IL1RAPL1: variants seen among roughly 807,000 people sequenced by gnomAD.
IL1RAPL1 encodes interleukin 1 receptor accessory protein like 1, also known as interleukin-1 receptor accessory protein-like 1.
A neutral mutation model predicts 48.4 loss-of-function variants in IL1RAPL1; 3 were observed. The observed-to-expected ratio is 0.06, with a 90% CI of 0.03 to 0.16. The LOEUF is 0.16. IL1RAPL1 is among the 10% of genes least tolerant of loss of function. The probability of loss-of-function intolerance (pLI) is 1.00; values close to 1 mark genes in which losing one functional copy is unlikely to be tolerated. For synonymous variants in IL1RAPL1, 185 were observed against 187.7 expected (o/e 0.99, Z 0.12); for missense variants, 349 against 530.6 (o/e 0.66, Z 3.36).
At chrX:28,956,658 G>T (rs201384360) in intron 2 of IL1RAPL1, among the ~76,000 whole-genome samples, 2 of 103,281 alleles carry the variant, frequency 1.9e-5, no homozygotes, top group East Asian at 3.1e-4. Flanking sequence ...GCTGGATTCG[G>T]TTTGCCAGTA....
In IL1RAPL1 at chrX:29,506,654, A is replaced by G. The variant is rs531503574; in HGVS notation, c.703+107346A>G. Among the ~76,000 whole-genome samples the G allele has an allele frequency of 1.5e-4, 17 of 110,917 alleles. No homozygotes were observed. In the South Asian group the frequency reaches 5.7e-3, roughly 37 times the overall value. On this transcript the variant is annotated intron_variant, in intron 5 of 10. Coordinates refer to ENST00000378993, the MANE Select transcript of IL1RAPL1 (RefSeq NM_014271.4). ...GAAGGCTATCTTGGGTTTCATGCCC[A>G]GGGACCTGTGGAACAAACTTCCTAC... is the stretch of plus-strand genomic sequence containing the variant.
chrX:29,087,272 G>A (rs1422212434), intron 2 of IL1RAPL1, among the ~76,000 whole-genome samples: 1 of 108,221 alleles, frequency 9.2e-6, no homozygotes, highest in African/African-American at 3.4e-5. Context: ...CAAGTAGCTT[G>A]GACCACAGGC....
At chrX:29,792,947 A>ATTTG (rs1929668707) in intron 6 of IL1RAPL1, among the ~76,000 whole-genome samples, 1 of 111,812 alleles carries the variant, frequency 8.9e-6, no homozygotes, top group East Asian at 2.8e-4. Context: ...GAGGTAAGGC[A>ATTTG]TTTGTTAACT....
At chrX:28,732,715 A>C (rs1202891884) in intron 1 of IL1RAPL1, among the ~76,000 whole-genome samples, 1 of 110,826 alleles carries the variant, frequency 9.0e-6, no homozygotes, top group Non-Finnish European at 1.9e-5. Context: ...CTAAAAATAC[A>C]AAAATTAGCT....
chrX:29,139,526 A>G (rs5985959), intron 2 of IL1RAPL1, among the ~76,000 whole-genome samples: 22,757 of 110,185 alleles, frequency 0.21, 2,054 homozygotes, highest in African/African-American at 0.33. Context: ...ATAGATTTTT[A>G]TAAACCATTT....
At chrX:29,089,719 C>T (rs1199087449) in intron 2 of IL1RAPL1, among the ~76,000 whole-genome samples, 1 of 63,906 alleles carries the variant, frequency 1.6e-5, no homozygotes, top group Non-Finnish European at 2.8e-5. Context: ...GGTCGTCGTT[C>T]GTTTTTCTAC....
At chrX:28,602,344 C>T (rs1225572031) in intron 1 of IL1RAPL1, among the ~76,000 whole-genome samples, 3 of 111,961 alleles carry the variant, frequency 2.7e-5, no homozygotes, top group African/African-American at 9.7e-5. Context: ...TCCATTTTTA[C>T]TGATTGCATC....
chrX:28,905,411 C>T (rs1312684616), intron 2 of IL1RAPL1, among the ~76,000 whole-genome samples: 1 of 110,602 alleles, frequency 9.0e-6, no homozygotes, highest in Non-Finnish European at 1.9e-5. Context: ...TTCCTTTTGC[C>T]AGGGGATTTA....
At chrX:29,021,960 A>G (rs1324014418) in intron 2 of IL1RAPL1, among the ~76,000 whole-genome samples, 1 of 111,720 alleles carries the variant, frequency 9.0e-6, no homozygotes, top group Non-Finnish European at 1.9e-5. Flanking sequence ...ATTATCTATT[A>G]ATATTTTATA....
chrX:29,603,633 A>C (rs965610942), intron 5 of IL1RAPL1, among the ~76,000 whole-genome samples: 2 of 111,994 alleles, frequency 1.8e-5, no homozygotes, highest in South Asian at 7.4e-4. Context: ...AGAAGTTTTC[A>C]AAAGTTTAGA....
chrX:28,692,766 A>G (rs1174469976), intron 1 of IL1RAPL1, among the ~76,000 whole-genome samples: 1 of 112,232 alleles, frequency 8.9e-6, no homozygotes, highest in Non-Finnish European at 1.9e-5. Context: ...CAGTTCATTT[A>G]GTAAATACTA....
chrX:29,818,892 G>A (rs759211222), intron 6 of IL1RAPL1, among the ~76,000 whole-genome samples: 1 of 111,886 alleles, frequency 8.9e-6, no homozygotes, highest in Non-Finnish European at 1.9e-5. Context: ...TAACTAGTGC[G>A]AACCCAGAAT....
At chrX:29,502,815 C>T (rs749371693) in intron 5 of IL1RAPL1, among the ~76,000 whole-genome samples, 75 of 111,444 alleles carry the variant, frequency 6.7e-4, no homozygotes, top group African/African-American at 2.4e-3. Context: ...TCAGGTCTTA[C>T]AGAATGAGTT....
chrX:28,948,212 T>G (rs1420899278), intron 2 of IL1RAPL1, among the ~76,000 whole-genome samples: 1 of 111,755 alleles, frequency 8.9e-6, no homozygotes, highest in African/African-American at 3.2e-5. Flanking sequence ...ATCCCATATA[T>G]TGAAGTTATT....
intron 2 of IL1RAPL1, among the ~76,000 whole-genome samples, chrX:29,011,929 G>C (rs1218252532): frequency 2.7e-5 from 3 of 111,974 alleles, no homozygotes. Context: ...ATCTAAAGTT[G>C]AGTTTAGGTT....
intron 6 of IL1RAPL1, among the ~76,000 whole-genome samples, chrX:29,757,564 G>A (rs5971732): frequency 0.11 from 12,651 of 111,709 alleles, 671 homozygotes; most frequent in Middle Eastern, 0.25. Context: ...TTTGACTACG[G>A]TATGTGACTC....
At chrX:28,624,227 G>T (rs1169069060) in intron 1 of IL1RAPL1, among the ~76,000 whole-genome samples, 3 of 111,349 alleles carry the variant, frequency 2.7e-5, no homozygotes, top group Non-Finnish European at 5.7e-5. Flanking sequence ...TGAGACAAAT[G>T]GGGGAAAGCA....
intron 2 of IL1RAPL1, among the ~76,000 whole-genome samples, chrX:28,847,785 T>C (rs1034399546): frequency 6.3e-5 from 7 of 111,850 alleles, no homozygotes; most frequent in African/African-American, 2.3e-4. Flanking sequence ...TCTAGCCACC[T>C]GATTAAACTT....
At chrX:28,773,236 G>A (rs1936327960) in intron 1 of IL1RAPL1, among the ~76,000 whole-genome samples, 1 of 110,682 alleles carries the variant, frequency 9.0e-6, no homozygotes, top group Admixed American at 9.7e-5. Flanking sequence ...AGCATGCCCA[G>A]CTAATTTCTT....
Sources: allele counts gnomAD v4.1 joint callset (sites outside exome capture counted in the v4.1 genomes callset), GRCh38; gene constraint gnomAD v4.1.1; transcripts MANE v1.5; gene names NCBI Gene and HGNC (gene_info 2026-07-23, HGNC 2026-07-21).